Variants in PIK3C2G observed in about 807,000 individuals in gnomAD.
PIK3C2G encodes the protein phosphatidylinositol 3-kinase C2 domain-containing subunit gamma.
A neutral mutation model predicts 181.1 loss-of-function variants in PIK3C2G; 168 were observed. The observed-to-expected ratio is 0.93, with a 90% CI of 0.82 to 1.05. PIK3C2G has a LOEUF of 1.05. PIK3C2G is among the 50% of genes least tolerant of loss of function. The pLI, the probability that PIK3C2G is intolerant of heterozygous loss-of-function variation, is 0.00. For missense variants in PIK3C2G, 1,869 were observed against 1,732.8 expected (o/e 1.08, Z -1.40); for synonymous variants, 573 against 592.2 (o/e 0.97, Z 0.47).
At chr12:18,349,778 C>T (rs1940044548) in intron 11 of PIK3C2G, among the ~76,000 whole-genome samples, 1 of 152,090 alleles carries the variant, frequency 6.6e-6, no homozygotes, top group Admixed American at 6.6e-5. Context: ...AGTTCTCCCC[C>T]AAGTCCTTTT....
chr12:18,503,105 A>G (rs944333661), intron 22 of PIK3C2G, among the ~76,000 whole-genome samples, 176 bp from the exon 23 acceptor site: 2 of 152,188 alleles, frequency 1.3e-5, no homozygotes, highest in Admixed American at 1.3e-4. Flanking sequence ...ATTGTTCTCC[A>G]GGATTTTGGG....
At chr12:18,642,816 G>C (rs615242) in intron 32 of PIK3C2G, among the ~76,000 whole-genome samples, 12,975 of 148,912 alleles carry the variant, frequency 0.087, 765 homozygotes, top group Non-Finnish European at 0.13. Flanking sequence ...GTGTGTGTGT[G>C]TGTGTGTATA....
Position 18,626,130 on chromosome 12 carries a change from T to C in PIK3C2G, c.4183-14299T>C, listed in dbSNP as rs1949086493. Among the ~76,000 whole-genome samples, 4 of 151,802 alleles carry C rather than the reference T, an allele frequency of 2.6e-5. No homozygotes were observed. The South Asian group carries it at 8.3e-4, about 31-fold the overall frequency. The stretch of plus-strand genomic sequence containing the variant: ...CTTCCTCTGTTGCTGTCTTTCTTTG[T>C]GGATTGATGGTTTTCTGTAGTAGTA... On this transcript the variant is annotated intron_variant, in intron 31 of 32. Transcript: ENST00000538779.
intron 15 of PIK3C2G, among the ~76,000 whole-genome samples, chr12:18,392,556 T>C (rs771010520): frequency 1.3e-5 from 2 of 152,108 alleles, no homozygotes; most frequent in African/African-American, 2.4e-5. Flanking sequence ...TACTAAATTA[T>C]CTCATCCTTT....
At chr12:18,672,716 C>A in the PIK3C2G span, among the ~76,000 whole-genome samples, 8 of 152,148 alleles carry the variant, frequency 5.3e-5, no homozygotes, top group Admixed American at 5.2e-4. Flanking sequence ...GGTGACCTCA[C>A]TGGGAGGAAA....
chr12:18,309,757 T>G (rs1304846074), intron 5 of PIK3C2G, among the ~76,000 whole-genome samples: 1 of 151,848 alleles, frequency 6.6e-6, no homozygotes, highest in African/African-American at 2.4e-5. Context: ...TGATTTTTAT[T>G]TCCTACAAGT....
intron 11 of PIK3C2G, among the ~76,000 whole-genome samples, chr12:18,360,855 G>A (rs550598556): frequency 6.6e-6 from 1 of 152,008 alleles, no homozygotes; most frequent in South Asian, 2.1e-4. Context: ...GGTCTTCTTG[G>A]GCTTCTTCAT....
the PIK3C2G span, among the ~76,000 whole-genome samples, chr12:18,722,907 G>A: frequency 6.6e-6 from 1 of 151,602 alleles, no homozygotes; most frequent in East Asian, 1.9e-4. Flanking sequence ...AATTTTCATA[G>A]ATATTTTCAA....
At chr12:18,698,637 T>A in the PIK3C2G span, among the ~76,000 whole-genome samples, 2 of 152,130 alleles carry the variant, frequency 1.3e-5, no homozygotes, top group African/African-American at 2.4e-5. Flanking sequence ...TGCATTTTTT[T>A]AACTTTTAAT....
chr12:18,577,117 C>G (rs1030005133), intron 29 of PIK3C2G, among the ~76,000 whole-genome samples: 2 of 152,166 alleles, frequency 1.3e-5, no homozygotes, highest in Admixed American at 1.3e-4. Flanking sequence ...CAATAGGAAA[C>G]TCCTAAATGT....
intron 8 of PIK3C2G, among the ~76,000 whole-genome samples, chr12:18,330,952 A>G (rs1937893466): frequency 2.0e-5 from 3 of 152,168 alleles, no homozygotes; most frequent in Admixed American, 2.0e-4. Context: ...ATGCTTTCTT[A>G]TCATATTTAA....
intron 6 of PIK3C2G, among the ~76,000 whole-genome samples, chr12:18,318,980 G>T (rs764035583): frequency 8.0e-4 from 122 of 151,884 alleles, no homozygotes; most frequent in Non-Finnish European, 1.2e-3. Context: ...AGCTACTCAG[G>T]ATGCTGAGGC....
chr12:18,323,743 A>T (rs1951209557), intron 7 of PIK3C2G, among the ~76,000 whole-genome samples: 1 of 152,136 alleles, frequency 6.6e-6, no homozygotes, highest in Admixed American at 6.5e-5. Context: ...CAAGCACTGG[A>T]TGGCAAGGGC....
chr12:18,367,537 T>TTTTTTA (rs1415807099), intron 12 of PIK3C2G, among the ~76,000 whole-genome samples: 1 of 152,014 alleles, frequency 6.6e-6, no homozygotes, highest in Non-Finnish European at 1.5e-5. Context: ...GACTGGGTAA[T>TTTTTTA]TTTTTATTTT....
upstream of PIK3C2G, among the ~76,000 whole-genome samples, chr12:18,246,889 A>G (rs550336473): frequency 2.6e-4 from 40 of 152,338 alleles, no homozygotes; most frequent in African/African-American, 8.4e-4. Flanking sequence ...TAAGAAGACG[A>G]ATACTATCAT....
intron 31 of PIK3C2G, among the ~76,000 whole-genome samples, chr12:18,634,044 C>G (rs370546843): frequency 6.6e-6 from 1 of 152,110 alleles, no homozygotes; most frequent in Non-Finnish European, 1.5e-5. Flanking sequence ...CATACACAGC[C>G]TTTTGTAGAA....
At chr12:18,693,436 G>T in the PIK3C2G span, 1 of 1,604,992 alleles carries the variant, frequency 6.2e-7, no homozygotes. Context: ...AAGCCTCCAA[G>T]GGGGTCATTC....
chr12:18,615,459 T>G (rs1429361713), intron 31 of PIK3C2G, among the ~76,000 whole-genome samples: 1 of 151,544 alleles, frequency 6.6e-6, no homozygotes, highest in Non-Finnish European at 1.5e-5. Flanking sequence ...TATATATCAT[T>G]TTTTTTCACT....
chr12:18,608,365 T>G (rs1948161160), intron 30 of PIK3C2G, among the ~76,000 whole-genome samples: 1 of 151,984 alleles, frequency 6.6e-6, no homozygotes, highest in African/African-American at 2.4e-5. Flanking sequence ...CACCATGGAA[T>G]ACTATGCAGC....
Sources: gnomAD v4.1 joint callset for allele counts (sites outside exome capture counted in the v4.1 genomes callset) on GRCh38, gnomAD v4.1.1 for gene constraint, MANE v1.5 for transcripts, NCBI Gene and HGNC (gene_info 2026-07-23, HGNC 2026-07-21) for gene names.